FGF13: variants seen among roughly 807,000 people sequenced by gnomAD.
FGF13 encodes the protein fibroblast growth factor 13, also known as fibroblast growth factor homologous factor 2.
Under a neutral mutation model 19.5 loss-of-function variants are expected in FGF13, and 2 were observed. The observed-to-expected ratio is 0.10, with a 90% CI of 0.04 to 0.32. The LOEUF (loss-of-function observed/expected upper bound fraction) is 0.32, where lower values mean the gene tolerates loss of function less well. Among genes scored for constraint, FGF13 ranks in the 10% least tolerant of loss-of-function variants. The pLI is 1.00. For missense variants in FGF13, 113 were observed against 192.7 expected, an observed-to-expected ratio of 0.59 and a Z score of 2.45; for synonymous variants, 72 against 76.9, an observed-to-expected ratio of 0.94 and a Z score of 0.33.
chrX:139,028,971 G>A (rs1457040763), intron 1 of FGF13, among the ~76,000 whole-genome samples: 1 of 110,139 alleles, frequency 9.1e-6, no homozygotes, highest in Non-Finnish European at 1.9e-5. Flanking sequence ...CATGGACTGG[G>A]TTCATGTCCT....
chrX:138,814,192 TAAC>T (rs1396206376), intron 3 of FGF13, among the ~76,000 whole-genome samples: 1 of 110,097 alleles, frequency 9.1e-6, no homozygotes, highest in Non-Finnish European at 1.9e-5. Context: ...CCAATAAAAA[TAAC>T]AATAAGTTAT....
intron 1 of FGF13, among the ~76,000 whole-genome samples, chrX:139,154,106 C>T (rs2083957819): frequency 9.0e-6 from 1 of 111,608 alleles, no homozygotes. Context: ...AGACCAAACA[C>T]AAAAAAGTCT....
At chrX:138,811,544 T>C (rs2090925516) in intron 3 of FGF13, among the ~76,000 whole-genome samples, 1 of 111,043 alleles carries the variant, frequency 9.0e-6, no homozygotes, top group Admixed American at 9.6e-5. Flanking sequence ...CGTATCCATA[T>C]GTAACAAACC....
intron 3 of FGF13, among the ~76,000 whole-genome samples, chrX:138,827,096 G>A (rs2091039529): frequency 8.9e-6 from 1 of 112,242 alleles, no homozygotes; most frequent in African/African-American, 3.2e-5. Flanking sequence ...CCAGCTACCA[G>A]AGCATGTTCT....
intron 1 of FGF13, among the ~76,000 whole-genome samples, chrX:139,003,339 G>GT (rs2092083222): frequency 9.0e-6 from 1 of 111,687 alleles, no homozygotes; most frequent in African/African-American, 3.3e-5. Flanking sequence ...GATCTTCGCC[G>GT]TGAGTGTTAC....
At chrX:138,848,173 T>G (rs2091196646) in intron 3 of FGF13, among the ~76,000 whole-genome samples, 1 of 111,512 alleles carries the variant, frequency 9.0e-6, no homozygotes, top group South Asian at 3.8e-4. Context: ...AAGCACAGAG[T>G]GGCAAACAAG....
intron 3 of FGF13, among the ~76,000 whole-genome samples, chrX:138,808,344 G>C (rs2090889980): frequency 8.9e-6 from 1 of 111,795 alleles, no homozygotes; most frequent in African/African-American, 3.3e-5. Context: ...AATGACTACT[G>C]GGTACATAAT....
intron 1 of FGF13, among the ~76,000 whole-genome samples, chrX:139,022,564 T>A (rs1474403811): frequency 9.0e-6 from 1 of 111,485 alleles, no homozygotes; most frequent in African/African-American, 3.3e-5. Flanking sequence ...AATTGTTTGT[T>A]CCACGTGTAT....
At chrX:138,729,597 G>A (rs1469450541) in intron 1 of FGF13, among the ~76,000 whole-genome samples, 2 of 109,371 alleles carry the variant, frequency 1.8e-5, no homozygotes, top group African/African-American at 6.6e-5. Context: ...AGAAGTATAT[G>A]AGGGGATAAT....
intron 1 of FGF13, among the ~76,000 whole-genome samples, chrX:139,186,595 T>G (rs1329904251): frequency 9.0e-6 from 1 of 111,646 alleles, no homozygotes; most frequent in Non-Finnish European, 1.9e-5. Context: ...ATCCAAACTC[T>G]TCATCCTCAT....
At chrX:138,775,557 C>A (rs2090581511) in intron 3 of FGF13, among the ~76,000 whole-genome samples, 1 of 111,952 alleles carries the variant, frequency 8.9e-6, no homozygotes, top group Non-Finnish European at 1.9e-5. Flanking sequence ...CAATTCTTAT[C>A]TCGTCTCTCA....
At chrX:138,873,323 A>G (rs2091368428) in intron 1 of FGF13, among the ~76,000 whole-genome samples, 1 of 111,675 alleles carries the variant, frequency 9.0e-6, no homozygotes, top group Non-Finnish European at 1.9e-5. Context: ...CACAGATGGA[A>G]GGTACAGACT....
At chrX:138,817,222 C>T (rs2090967671) in intron 3 of FGF13, among the ~76,000 whole-genome samples, 1 of 111,344 alleles carries the variant, frequency 9.0e-6, no homozygotes, top group South Asian at 3.8e-4. Flanking sequence ...GTGAGTCCTG[C>T]TTAATAGGAC....
At chrX:139,128,239 T>C (rs1232332144) in intron 1 of FGF13, among the ~76,000 whole-genome samples, 1 of 111,156 alleles carries the variant, frequency 9.0e-6, no homozygotes, top group East Asian at 2.8e-4. Flanking sequence ...AACTTGTTTC[T>C]TGTTTTGTTT....
downstream of FGF13, among the ~76,000 whole-genome samples, chrX:138,853,981 G>C (rs2091242277): frequency 8.9e-6 from 1 of 111,760 alleles, no homozygotes; most frequent in African/African-American, 3.2e-5. Context: ...CTCTAAATTA[G>C]TGATTTCATT....
At chrX:139,144,946 A>G (rs1399688792) in intron 1 of FGF13, among the ~76,000 whole-genome samples, 2 of 112,221 alleles carry the variant, frequency 1.8e-5, no homozygotes, top group Admixed American at 1.9e-4. Flanking sequence ...TATAAATAAT[A>G]TAATTACATG....
At chrX:138,752,431 A>G (rs186921913) in intron 3 of FGF13, among the ~76,000 whole-genome samples, 18 of 111,895 alleles carry the variant, frequency 1.6e-4, no homozygotes, top group African/African-American at 5.8e-4. Context: ...ATCTCAAAAA[A>G]GAAAAAAAAA....
chrX:139,097,456 C>T (rs897195945), intron 1 of FGF13, among the ~76,000 whole-genome samples: 4 of 111,127 alleles, frequency 3.6e-5, no homozygotes, highest in African/African-American at 9.8e-5. Flanking sequence ...AGGATGAGAT[C>T]GGGTGCATTC....
intron 1 of FGF13, among the ~76,000 whole-genome samples, chrX:138,897,688 G>A (rs974975949): frequency 9.0e-6 from 1 of 111,389 alleles, no homozygotes; most frequent in African/African-American, 3.3e-5. Flanking sequence ...TGCTGATTAA[G>A]CTGAGCACAG....
Sources: gnomAD v4.1 joint callset for allele counts (sites outside exome capture counted in the v4.1 genomes callset) on GRCh38, gnomAD v4.1.1 for gene constraint, MANE v1.5 for transcripts, NCBI Gene and HGNC (gene_info 2026-07-23, HGNC 2026-07-21) for gene names.